Variants in GALNT17 observed in about 807,000 individuals in gnomAD.
GALNT17 encodes polypeptide N-acetylgalactosaminyltransferase 17.
In GALNT17, 29 loss-of-function variants were observed where a neutral mutation model predicts 63.7. That is an observed-to-expected ratio of 0.46 (90% CI 0.34 to 0.62). The LOEUF (loss-of-function observed/expected upper bound fraction) is 0.62. Among genes scored for constraint, GALNT17 ranks in the 20% least tolerant of loss-of-function variants. GALNT17 has a pLI of 0.01. For synonymous variants in GALNT17, 305 were observed against 318.3 expected (o/e 0.96, Z 0.45); for missense variants, 603 against 799.6 (o/e 0.75, Z 2.97).
chr7:71,599,987 A>C (rs1789941455), intron 6 of GALNT17, among the ~76,000 whole-genome samples: 1 of 151,888 alleles, frequency 6.6e-6, no homozygotes, highest in Non-Finnish European at 1.5e-5. Flanking sequence ...TTTAACAACC[A>C]AAATATCTTC....
intron 1 of GALNT17, among the ~76,000 whole-genome samples, chr7:71,213,127 G>T (rs1232727417): frequency 6.6e-6 from 1 of 152,166 alleles, no homozygotes; most frequent in Non-Finnish European, 1.5e-5. Context: ...CCCACCTGTT[G>T]TAGGAGGTAC....
At chr7:71,617,102 CTTAA>C (rs1320286558) in intron 6 of GALNT17, among the ~76,000 whole-genome samples, 1 of 147,422 alleles carries the variant, frequency 6.8e-6, no homozygotes, top group Middle Eastern at 3.4e-3. Context: ...CAGTTATATA[CTTAA>C]TTATATAGTA....
In GALNT17 at chr7:71,699,983, G is replaced by A. The variant is rs138212826; in HGVS notation, c.1501-10778G>A. On this transcript the variant is annotated intron_variant, in intron 9 of 10. Coordinates refer to ENST00000333538, the MANE Select transcript of GALNT17 (RefSeq NM_022479.3). ...TCAGTGTATGATGATAAAATATTCC[G>A]TTTTCCAGTAAGATAGAATAATTAT... Among the ~76,000 whole-genome samples the A allele has an allele frequency of 4.0e-3, 601 of 151,868 alleles. 10 individuals carry two copies. The highest frequency in any genetic ancestry group is 0.014 in the African/African-American group (571 of 41,420).
At chr7:71,523,230 G>T (rs1288112774) in intron 5 of GALNT17, among the ~76,000 whole-genome samples, 1 of 152,152 alleles carries the variant, frequency 6.6e-6, no homozygotes. Flanking sequence ...TTTGAGACCA[G>T]CCTGGGCAAC....
intron 2 of GALNT17, among the ~76,000 whole-genome samples, chr7:71,387,161 G>A (rs1034407574): frequency 6.6e-6 from 1 of 151,700 alleles, no homozygotes; most frequent in Non-Finnish European, 1.5e-5. Context: ...ACCTGCTCTT[G>A]GGCTGAGGGA....
intron 2 of GALNT17, among the ~76,000 whole-genome samples, chr7:71,372,450 C>T (rs1271979286): frequency 6.6e-6 from 1 of 152,232 alleles, no homozygotes; most frequent in Non-Finnish European, 1.5e-5. Context: ...TAGGCATGAG[C>T]CACCATGCCC....
At chr7:71,165,802 C>T (rs754047901) in intron 1 of GALNT17, among the ~76,000 whole-genome samples, 1 of 151,976 alleles carries the variant, frequency 6.6e-6, no homozygotes, top group Admixed American at 6.6e-5. Flanking sequence ...AGAATTGAAC[C>T]GAGACTTTAG....
intron 1 of GALNT17, among the ~76,000 whole-genome samples, chr7:71,201,756 C>T (rs899197306): frequency 6.6e-6 from 1 of 151,822 alleles, no homozygotes; most frequent in Non-Finnish European, 1.5e-5. Flanking sequence ...CTCACCCTTC[C>T]GAGTCGCTGG....
chr7:71,142,916 G>C lies in GALNT17; in HGVS notation c.238+9876G>C, dbSNP rs550671337. ...AGATTGTGCCACTGCATTGTAGCCT[G>C]GGCGACAGGGCGAGACTCTTGTCTC... On this transcript the variant is annotated intron_variant, in intron 1 of 10. Transcript: ENST00000333538. Among the ~76,000 whole-genome samples, 4 of 147,840 alleles carry C rather than the reference G, an allele frequency of 2.7e-5. No homozygotes were observed. The South Asian group carries it at 8.7e-4, about 32-fold the overall frequency.
At chr7:71,517,548 G>A (rs1788464285) in intron 5 of GALNT17, among the ~76,000 whole-genome samples, 1 of 152,188 alleles carries the variant, frequency 6.6e-6, no homozygotes, top group South Asian at 2.1e-4. Flanking sequence ...ACTTTGGAGT[G>A]TCCTTCTAGC....
At chr7:71,576,569 T>G (rs1023645732) in intron 6 of GALNT17, among the ~76,000 whole-genome samples, 8 of 94,736 alleles carry the variant, frequency 8.4e-5, no homozygotes, top group Admixed American at 3.2e-4. Context: ...GTGTGTGTTT[T>G]GTTTGTTTGT....
chr7:71,509,050 A>C (rs1788311377), intron 5 of GALNT17, among the ~76,000 whole-genome samples: 1 of 152,144 alleles, frequency 6.6e-6, no homozygotes, highest in South Asian at 2.1e-4. Flanking sequence ...TGTTTGCCTT[A>C]CGATGGTTCG....
intron 5 of GALNT17, among the ~76,000 whole-genome samples, chr7:71,498,606 G>C (rs1788132014): frequency 6.6e-6 from 1 of 152,170 alleles, no homozygotes; most frequent in Non-Finnish European, 1.5e-5. Flanking sequence ...CAGATTCATG[G>C]GTTTGGGAGT....
At chr7:71,310,095 T>G (rs1791389869) in intron 1 of GALNT17, among the ~76,000 whole-genome samples, 2 of 152,212 alleles carry the variant, frequency 1.3e-5, no homozygotes, top group African/African-American at 2.4e-5. Context: ...CTCCTTGCCT[T>G]CTGTCATGAT....
intron 3 of GALNT17, among the ~76,000 whole-genome samples, chr7:71,390,603 C>T (rs1326262383): frequency 6.6e-6 from 1 of 152,216 alleles, no homozygotes; most frequent in Non-Finnish European, 1.5e-5. Context: ...CCACGGCTCT[C>T]TGCTCTGTGG....
chr7:71,507,922 C>T (rs1190395297), intron 5 of GALNT17, among the ~76,000 whole-genome samples: 1 of 152,206 alleles, frequency 6.6e-6, no homozygotes, highest in African/African-American at 2.4e-5. Flanking sequence ...ACAGAATAAT[C>T]TCCTTTGTTC....
intron 5 of GALNT17, among the ~76,000 whole-genome samples, chr7:71,472,096 A>T (rs1015333494): frequency 1.3e-5 from 2 of 152,108 alleles, no homozygotes; most frequent in Non-Finnish European, 2.9e-5. Flanking sequence ...GCAAGGGCCC[A>T]TTTCCCGGTT....
intron 3 of GALNT17, among the ~76,000 whole-genome samples, chr7:71,414,982 A>ACT (rs146704408): frequency 0.12 from 17,571 of 148,012 alleles, 1,097 homozygotes; most frequent in Middle Eastern, 0.19. Context: ...ACAAAGTATC[A>ACT]CTTTTTTTTT....
At chr7:71,643,336 C>T (rs773503790) in intron 6 of GALNT17, among the ~76,000 whole-genome samples, 3 of 151,900 alleles carry the variant, frequency 2.0e-5, no homozygotes, top group Non-Finnish European at 2.9e-5. Flanking sequence ...GGCGTGGTGG[C>T]GTGTGCCTGT....
Sources: gnomAD v4.1 joint callset for allele counts (sites outside exome capture counted in the v4.1 genomes callset) on GRCh38, gnomAD v4.1.1 for gene constraint, MANE v1.5 for transcripts, NCBI Gene and HGNC (gene_info 2026-07-23, HGNC 2026-07-21) for gene names.